The following SVOP variants were observed in gnomAD, a reference collection of about 807,000 sequenced individuals.
SVOP encodes the protein synaptic vesicle 2-related protein.
Under a neutral mutation model 69.1 loss-of-function variants are expected in SVOP, and 17 were observed. That is an observed-to-expected ratio of 0.25 (90% CI 0.17 to 0.37). SVOP has a LOEUF of 0.37. SVOP is among the 10% of genes least tolerant of loss of function. The pLI, the probability that SVOP is intolerant of heterozygous loss-of-function variation, is 1.00. For synonymous variants in SVOP, 238 were observed against 238.6 expected (o/e 1.00, Z 0.02); for missense variants, 435 against 597.5 (o/e 0.73, Z 2.84).
intron 5 of SVOP, among the ~76,000 whole-genome samples, chr12:108,967,762 C>A (rs1593193991): frequency 6.6e-6 from 1 of 152,246 alleles, no homozygotes. Context: ...CAGTAGCACA[C>A]CCCTCCCCCA....
intron 5 of SVOP, among the ~76,000 whole-genome samples, chr12:108,968,859 T>A (rs1457449560): frequency 2.0e-5 from 3 of 152,164 alleles, no homozygotes; most frequent in Non-Finnish European, 4.4e-5. Flanking sequence ...AGTGGCATGA[T>A]CTCGGCTCAC....
intron 11 of SVOP, among the ~76,000 whole-genome samples, chr12:108,930,671 G>A (rs1566049847): frequency 6.6e-6 from 1 of 152,130 alleles, no homozygotes; most frequent in African/African-American, 2.4e-5. Flanking sequence ...CTGACCTCAG[G>A]TGATCCTCCC....
intron 1 of SVOP, among the ~76,000 whole-genome samples, chr12:109,011,313 A>C (rs2135631057): frequency 6.6e-6 from 1 of 152,330 alleles, no homozygotes; most frequent in South Asian, 2.1e-4. Flanking sequence ...ACATTTTTGA[A>C]ATGAAGGGGT....
chr12:109,002,892 G>A (rs2040281201), intron 1 of SVOP, among the ~76,000 whole-genome samples: 1 of 150,500 alleles, frequency 6.6e-6, no homozygotes, highest in South Asian at 2.1e-4. Context: ...GCACCAGCAT[G>A]GCACATGTAT....
chr12:108,938,794 C>T (rs767744399), intron 9 of SVOP, 33 bp downstream of exon 9: 1 of 1,613,804 alleles, frequency 6.2e-7, no homozygotes, highest in South Asian at 1.1e-5. Flanking sequence ...CCCCGATACG[C>T]ACATTGCAGA....
intron 7 of SVOP, among the ~76,000 whole-genome samples, chr12:108,944,862 T>G (rs2039913508): frequency 6.6e-6 from 1 of 152,214 alleles, no homozygotes; most frequent in Non-Finnish European, 1.5e-5. Context: ...TTCCATACCC[T>G]TGCCGACACT....
At chr12:109,019,520 A>G (rs192448951) in intron 1 of SVOP, among the ~76,000 whole-genome samples, 2 of 152,258 alleles carry the variant, frequency 1.3e-5, no homozygotes, top group East Asian at 3.9e-4. Flanking sequence ...ATTGGGGGTA[A>G]TCATTTTATT....
chr12:109,011,359 G>T (rs1206790382), intron 1 of SVOP, among the ~76,000 whole-genome samples: 4 of 152,216 alleles, frequency 2.6e-5, no homozygotes, highest in Non-Finnish European at 4.4e-5. Flanking sequence ...TAAAGGCTGT[G>T]GTGGGTTCCC....
chr12:108,981,328 A>G (rs2040134215), intron 2 of SVOP, among the ~76,000 whole-genome samples: 1 of 152,210 alleles, frequency 6.6e-6, no homozygotes, highest in East Asian at 1.9e-4. Flanking sequence ...TAGAGCCCAG[A>G]TCAGCCTGAG....
intron 1 of SVOP, among the ~76,000 whole-genome samples, chr12:108,991,539 T>G (rs771616347): frequency 1.3e-5 from 2 of 152,036 alleles, no homozygotes; most frequent in Non-Finnish European, 2.9e-5. Flanking sequence ...CACAGCAACC[T>G]CTGCCTCCCG....
At chr12:108,935,750 G>C (rs1019437696) in intron 10 of SVOP, among the ~76,000 whole-genome samples, 1 of 152,136 alleles carries the variant, frequency 6.6e-6, no homozygotes, top group Non-Finnish European at 1.5e-5. Flanking sequence ...TACATGAATT[G>C]GTGCAAAGAG....
At chr12:109,019,509 T>C (rs1029130602) in intron 1 of SVOP, among the ~76,000 whole-genome samples, 2 of 152,170 alleles carry the variant, frequency 1.3e-5, no homozygotes, top group Non-Finnish European at 2.9e-5. Flanking sequence ...AATTATTTTT[T>C]ATTGGGGGTA....
At chr12:108,958,736 C>T (rs2039999900) in intron 6 of SVOP, among the ~76,000 whole-genome samples, 1 of 152,124 alleles carries the variant, frequency 6.6e-6, no homozygotes, top group Non-Finnish European at 1.5e-5. Flanking sequence ...GCAGAAGTTG[C>T]CTTGGCCAAA....
intron 6 of SVOP, among the ~76,000 whole-genome samples, chr12:108,949,780 C>T (rs1308012770): frequency 1.3e-5 from 2 of 151,930 alleles, no homozygotes; most frequent in Non-Finnish European, 2.9e-5. Flanking sequence ...TCCACGCATG[C>T]CAGTCCACCT....
chr12:109,017,792 C>T (rs975521440), intron 1 of SVOP, among the ~76,000 whole-genome samples: 1 of 152,112 alleles, frequency 6.6e-6, no homozygotes, highest in Non-Finnish European at 1.5e-5. Flanking sequence ...GATCCACCCA[C>T]CTCGGTCTCC....
chr12:108,925,691 T>C (rs576991274), intron 11 of SVOP, among the ~76,000 whole-genome samples: 2 of 152,276 alleles, frequency 1.3e-5, no homozygotes, highest in South Asian at 4.1e-4. Flanking sequence ...CTCACTCTAC[T>C]CCAGCACACT....
intron 1 of SVOP, among the ~76,000 whole-genome samples, chr12:109,008,823 C>T (rs539998972): frequency 9.9e-5 from 15 of 152,222 alleles, no homozygotes; most frequent in Non-Finnish European, 1.6e-4. Flanking sequence ...GAGTTGAGTG[C>T]GCACACACTT....
intron 5 of SVOP, 95 bp downstream of exon 5, chr12:108,972,310 T>C: frequency 1.7e-6 from 2 of 1,208,402 alleles, no homozygotes; most frequent in South Asian, 2.6e-5. Context: ...TTATTAGGCC[T>C]CCCAACTGCT....
chr12:108,916,882 G>A (rs2039717498), intron 14 of SVOP, among the ~76,000 whole-genome samples: 2 of 152,136 alleles, frequency 1.3e-5, no homozygotes, highest in African/African-American at 4.8e-5. Flanking sequence ...GAGTAGCTGG[G>A]ACAACAGGCA....
Sources: gnomAD v4.1 joint callset for allele counts (sites outside exome capture counted in the v4.1 genomes callset) on GRCh38, gnomAD v4.1.1 for gene constraint, MANE v1.5 for transcripts, NCBI Gene and HGNC (gene_info 2026-07-23, HGNC 2026-07-21) for gene names.